Variants in SLC9C1 observed in about 807,000 individuals in gnomAD.
SLC9C1 encodes the protein sodium/hydrogen exchanger 10.
Under a neutral mutation model 140.9 loss-of-function variants are expected in SLC9C1, and 97 were observed. That is an observed-to-expected ratio of 0.69 (90% CI 0.58 to 0.82). The LOEUF (loss-of-function observed/expected upper bound fraction) is 0.82. Among genes scored for constraint, SLC9C1 ranks in the 40% least tolerant of loss-of-function variants. The pLI is 0.00. For missense variants in SLC9C1, 1,340 were observed against 1,389.3 expected, an observed-to-expected ratio of 0.96 and a Z score of 0.56; for synonymous variants, 440 against 442.6, an observed-to-expected ratio of 0.99 and a Z score of 0.07.
intron 10 of SLC9C1, among the ~76,000 whole-genome samples, chr3:112,246,890 TACAG>T (rs1289359929): frequency 6.6e-6 from 1 of 152,154 alleles, no homozygotes; most frequent in Non-Finnish European, 1.5e-5. Flanking sequence ...TGCAGAAGAA[TACAG>T]ACAGAGACTA....
At chr3:112,232,606 A>G (rs140378678) in intron 12 of SLC9C1, among the ~76,000 whole-genome samples, 597 of 152,238 alleles carry the variant, frequency 3.9e-3, no homozygotes, top group African/African-American at 0.012. Flanking sequence ...TATCTCACCT[A>G]AGCACTCCCA....
At chr3:112,179,789 G>T in intron 22 of SLC9C1, 88 bp from the exon 23 acceptor site, 1 of 1,084,626 alleles carries the variant, frequency 9.2e-7, no homozygotes, top group African/African-American at 1.6e-5. Flanking sequence ...ACTTTGGTTT[G>T]AACAATTCTA....
At chr3:112,234,375 T>C (rs1248613161) in intron 12 of SLC9C1, among the ~76,000 whole-genome samples, 1 of 152,168 alleles carries the variant, frequency 6.6e-6, no homozygotes, top group African/African-American at 2.4e-5. Flanking sequence ...TTCTGGATAT[T>C]AGCCCTTTGT....
rs150131422 is a variant in SLC9C1 at position 112,214,764 on chromosome 3, G to A, written c.1790+2678C>T. ...TCCAGGACCAGATGGATTCACAGCC[G>A]AATTCTACCAGAGGTACAAGGAGGA... On this transcript the variant is annotated intron_variant, in intron 15 of 28. Coordinates refer to ENST00000305815, the MANE Select transcript of SLC9C1 (RefSeq NM_183061.3). Among the ~76,000 whole-genome samples, 661 of 152,242 alleles carry A rather than the reference G, an allele frequency of 4.3e-3. 3 individuals carry two copies. The highest frequency in any genetic ancestry group is 6.0e-3 in the Non-Finnish European group (411 of 68,002).
At chr3:112,241,920 C>T (rs1197177905) in intron 11 of SLC9C1, among the ~76,000 whole-genome samples, 2 of 152,152 alleles carry the variant, frequency 1.3e-5, no homozygotes, top group African/African-American at 2.4e-5. Flanking sequence ...AACTGGACCT[C>T]TACCTTTCAC....
intron 26 of SLC9C1, among the ~76,000 whole-genome samples, chr3:112,157,326 T>C (rs1487934389): frequency 6.6e-6 from 1 of 152,126 alleles, no homozygotes; most frequent in Non-Finnish European, 1.5e-5. Context: ...ACGAGTTGGC[T>C]ATCAGTGCAT....
At chr3:112,264,616 G>T (rs1161225552) in intron 8 of SLC9C1, among the ~76,000 whole-genome samples, 1 of 151,892 alleles carries the variant, frequency 6.6e-6, no homozygotes, top group Non-Finnish European at 1.5e-5. Context: ...CAGTATGGTT[G>T]CAGAATCGTG....
chr3:112,165,257 C>T (rs1050162597), intron 26 of SLC9C1, among the ~76,000 whole-genome samples: 13 of 152,120 alleles, frequency 8.5e-5, no homozygotes, highest in African/African-American at 2.2e-4. Flanking sequence ...CATCTGAAGC[C>T]GTCTTCTCTC....
chr3:112,192,897 T>G (rs781441309), intron 20 of SLC9C1, among the ~76,000 whole-genome samples: 3 of 152,236 alleles, frequency 2.0e-5, no homozygotes, highest in Non-Finnish European at 4.4e-5. Flanking sequence ...TTCCTTGCTT[T>G]TTCATGTTTG....
intron 24 of SLC9C1, 49 bp from the exon 25 acceptor site, chr3:112,169,111 GTA>G (rs778735105): frequency 1.3e-6 from 2 of 1,571,358 alleles, no homozygotes; most frequent in South Asian, 2.4e-5. Flanking sequence ...ATGAAGTTCA[GTA>G]TATATTCATA....
chr3:112,167,416 C>T (rs2077160294), intron 25 of SLC9C1, 69 bp from the exon 26 acceptor site: 1 of 1,452,384 alleles, frequency 6.9e-7, no homozygotes, highest in East Asian at 2.4e-5. Context: ...ACCTAGTAAG[C>T]TGCTATTTCT....
chr3:112,164,668 G>A (rs1371419706), intron 26 of SLC9C1, among the ~76,000 whole-genome samples: 2 of 151,538 alleles, frequency 1.3e-5, no homozygotes, highest in South Asian at 2.1e-4. Context: ...GCTTCCCTTT[G>A]TGGGTAACCT....
intron 18 of SLC9C1, 123 bp from the exon 19 acceptor site, chr3:112,200,885 T>C: frequency 1.2e-6 from 1 of 808,718 alleles, no homozygotes; most frequent in South Asian, 1.9e-5. Flanking sequence ...GATGAAGAGG[T>C]TTTCAGGGGT....
chr3:112,193,155 G>T (rs1371671806), intron 20 of SLC9C1, among the ~76,000 whole-genome samples: 1 of 152,210 alleles, frequency 6.6e-6, no homozygotes, highest in African/African-American at 2.4e-5. Flanking sequence ...GCGTGTGGTG[G>T]TAATGCCATG....
intron 20 of SLC9C1, among the ~76,000 whole-genome samples, chr3:112,190,990 G>A (rs1043840194): frequency 1.3e-5 from 2 of 148,326 alleles, no homozygotes; most frequent in Non-Finnish European, 3.0e-5. Context: ...TTTGTAAGTG[G>A]TTTAGAAAAG....
At chr3:112,258,198 C>T (rs1239327300) in intron 10 of SLC9C1, among the ~76,000 whole-genome samples, 2 of 152,072 alleles carry the variant, frequency 1.3e-5, no homozygotes, top group African/African-American at 4.8e-5. Context: ...TGTGTATATG[C>T]CCAAAAGAAT....
intron 20 of SLC9C1, among the ~76,000 whole-genome samples, chr3:112,196,887 C>G (rs2077780060): frequency 6.6e-6 from 1 of 151,576 alleles, no homozygotes; most frequent in African/African-American, 2.4e-5. Flanking sequence ...TTTTTAGGGA[C>G]AGTTCTGTTG....
At chr3:112,219,916 G>T (rs1420103065) in intron 14 of SLC9C1, among the ~76,000 whole-genome samples, 1 of 152,094 alleles carries the variant, frequency 6.6e-6, no homozygotes, top group East Asian at 1.9e-4. Flanking sequence ...ATATATTAAT[G>T]ATGCTTTTTA....
At chr3:112,246,257 CAAGTA>C (rs1246937630) in intron 10 of SLC9C1, among the ~76,000 whole-genome samples, 23 of 152,234 alleles carry the variant, frequency 1.5e-4, no homozygotes, top group African/African-American at 5.5e-4. Context: ...CAACCAGCAT[CAAGTA>C]AAGTAATTAA....
Sources: gnomAD v4.1 joint callset for allele counts (sites outside exome capture counted in the v4.1 genomes callset) on GRCh38, gnomAD v4.1.1 for gene constraint, MANE v1.5 for transcripts, NCBI Gene and HGNC (gene_info 2026-07-23, HGNC 2026-07-21) for gene names.